TYW1: variants seen among roughly 807,000 people sequenced by gnomAD.
TYW1 encodes the protein S-adenosyl-L-methionine-dependent tRNA 4-demethylwyosine synthase TYW1.
Under a neutral mutation model 96.2 loss-of-function variants are expected in TYW1, and 46 were observed. The ratio of observed to expected loss-of-function variants is 0.48; its 90% confidence interval spans 0.38 to 0.61. The LOEUF (loss-of-function observed/expected upper bound fraction) is 0.61, where lower values mean the gene tolerates loss of function less well. TYW1 is among the 20% of genes least tolerant of loss of function. The pLI is 0.00. For missense variants in TYW1, 684 were observed against 909.6 expected, an observed-to-expected ratio of 0.75 and a Z score of 3.19; for synonymous variants, 274 against 323.0, an observed-to-expected ratio of 0.85 and a Z score of 1.63.
chr7:67,066,027 ACACACC>A (rs72380218), intron 9 of TYW1, among the ~76,000 whole-genome samples: 13,771 of 135,748 alleles, frequency 0.1, 695 homozygotes, highest in African/African-American at 0.14. Context: ...ACACACACAC[ACACACC>A]CACACCCCTA....
chr7:67,170,069 C>T (rs1799469869), intron 13 of TYW1, among the ~76,000 whole-genome samples: 1 of 152,050 alleles, frequency 6.6e-6, no homozygotes, highest in Non-Finnish European at 1.5e-5. Flanking sequence ...ATGTTTTCTT[C>T]CAAGAGTTTT....
At chr7:67,162,659 A>T (rs1213473297) in intron 13 of TYW1, among the ~76,000 whole-genome samples, 1 of 152,158 alleles carries the variant, frequency 6.6e-6, no homozygotes, top group African/African-American at 2.4e-5. Flanking sequence ...GGAGTGATGG[A>T]TAGATTTTGT....
At chr7:67,017,772 G>A (rs1009572519) in intron 5 of TYW1, 81 bp from the exon 6 acceptor site, 73 of 1,526,662 alleles carry the variant, frequency 4.8e-5, no homozygotes, top group Admixed American at 8.5e-5. Context: ...GCCTCGGAAG[G>A]ACTTTGGGCT....
intron 13 of TYW1, among the ~76,000 whole-genome samples, chr7:67,125,156 A>G (rs1797875063): frequency 2.0e-5 from 3 of 152,154 alleles, no homozygotes; most frequent in Admixed American, 1.3e-4. Flanking sequence ...TTAAACTCTT[A>G]ATATTGCTTG....
intron 7 of TYW1, among the ~76,000 whole-genome samples, chr7:67,035,630 C>T (rs190321173): frequency 7.9e-5 from 12 of 152,248 alleles, no homozygotes; most frequent in Admixed American, 7.9e-4. Context: ...TACAGAAAAT[C>T]AGCTAAGGGA....
chr7:67,054,273 CA>C (rs1795444673), intron 8 of TYW1, among the ~76,000 whole-genome samples: 1 of 90,122 alleles, frequency 1.1e-5, no homozygotes, highest in Non-Finnish European at 2.3e-5. Flanking sequence ...CTGTAATGTA[CA>C]GTTTTTTTTC....
intron 13 of TYW1, among the ~76,000 whole-genome samples, chr7:67,138,294 A>G (rs1451904551): frequency 6.6e-6 from 1 of 152,158 alleles, no homozygotes; most frequent in Non-Finnish European, 1.5e-5. Flanking sequence ...TAATAACTCT[A>G]TGAAGGAGGA....
At chr7:67,070,277 A>G (rs182563805) in intron 10 of TYW1, among the ~76,000 whole-genome samples, 100 of 152,274 alleles carry the variant, frequency 6.6e-4, no homozygotes, top group African/African-American at 2.3e-3. Context: ...CAAGTCTTCT[A>G]CCAAATTTGG....
chr7:67,210,032 T>A (rs182364494), intron 15 of TYW1, among the ~76,000 whole-genome samples: 2 of 152,358 alleles, frequency 1.3e-5, no homozygotes, highest in Admixed American at 6.5e-5. Flanking sequence ...CAATATTGAT[T>A]TGTGATTGTT....
chr7:67,085,151 G>A (rs545304399), intron 11 of TYW1, among the ~76,000 whole-genome samples: 3 of 152,132 alleles, frequency 2.0e-5, no homozygotes, highest in Non-Finnish European at 2.9e-5. Flanking sequence ...ATTCTTTCAC[G>A]TAAGGAAATT....
chr7:67,096,730 TC>T (rs972588159), intron 11 of TYW1, among the ~76,000 whole-genome samples: 4 of 152,046 alleles, frequency 2.6e-5, no homozygotes, highest in Admixed American at 2.6e-4. Context: ...CTCTCCCTTC[TC>T]CCACCCTCCA....
chr7:67,143,740 G>C (rs1362811766), intron 13 of TYW1, among the ~76,000 whole-genome samples: 1 of 152,186 alleles, frequency 6.6e-6, no homozygotes, highest in Non-Finnish European at 1.5e-5. Flanking sequence ...ATGGGAAATG[G>C]TCTTAACGAT....
At chr7:67,191,116 TCA>T (rs1183496836) in intron 14 of TYW1, among the ~76,000 whole-genome samples, 1 of 152,170 alleles carries the variant, frequency 6.6e-6, no homozygotes. Flanking sequence ...CAGGCTGCTT[TCA>T]GTCATGGCAG....
At chr7:67,154,070 G>T (rs1224295643) in intron 13 of TYW1, among the ~76,000 whole-genome samples, 3 of 151,926 alleles carry the variant, frequency 2.0e-5, no homozygotes, top group East Asian at 3.9e-4. Flanking sequence ...ACAGGTGCCT[G>T]CCACCACACC....
At chr7:67,055,588 G>A (rs1795482884) in intron 8 of TYW1, among the ~76,000 whole-genome samples, 1 of 141,000 alleles carries the variant, frequency 7.1e-6, no homozygotes, top group Non-Finnish European at 1.5e-5. Context: ...GACAGAGCGG[G>A]ACTGTCTTAA....
chr7:67,217,791 T>C (rs1801247380), intron 15 of TYW1, among the ~76,000 whole-genome samples: 1 of 150,746 alleles, frequency 6.6e-6, no homozygotes, highest in Non-Finnish European at 1.5e-5. Flanking sequence ...AATGTTTTTG[T>C]TATTTTGATA....
intron 10 of TYW1, 54 bp downstream of exon 10, chr7:67,067,457 C>G (rs1285943604): frequency 5.7e-6 from 9 of 1,592,792 alleles, no homozygotes; most frequent in Non-Finnish European, 7.8e-6. Flanking sequence ...CTGTGGTAAT[C>G]AATCTGCCCA....
intron 12 of TYW1, among the ~76,000 whole-genome samples, chr7:67,112,120 A>AAAAAAAAAAAAAAAAAAAAAAAAAAG (rs1424171580): frequency 2.7e-5 from 4 of 148,690 alleles, no homozygotes; most frequent in Non-Finnish European, 4.5e-5. Context: ...AAAAAAAAAA[A>AAAAAAAAAAAAAAAAAAAAAAAAAAG]AAAGAAAGTG....
At chr7:67,189,437 GTGTA>G (rs796646154) in intron 14 of TYW1, among the ~76,000 whole-genome samples, 3 of 149,760 alleles carry the variant, frequency 2.0e-5, no homozygotes, top group Non-Finnish European at 3.0e-5. Context: ...TGTGTGGTAT[GTGTA>G]TGTATGTGTG....
Sources: allele counts gnomAD v4.1 joint callset (sites outside exome capture counted in the v4.1 genomes callset), GRCh38; gene constraint gnomAD v4.1.1; transcripts MANE v1.5; gene names NCBI Gene and HGNC (gene_info 2026-07-23, HGNC 2026-07-21).